SYT1: variants seen among roughly 807,000 people sequenced by gnomAD.
SYT1 encodes the protein synaptotagmin-1.
Under a neutral mutation model 44.8 loss-of-function variants are expected in SYT1, and 8 were observed. The ratio of observed to expected loss-of-function variants is 0.18; its 90% confidence interval spans 0.10 to 0.32. The LOEUF (loss-of-function observed/expected upper bound fraction) is 0.32. Among genes scored for constraint, SYT1 ranks in the 10% least tolerant of loss-of-function variants. The pLI is 1.00. For missense variants in SYT1, 286 were observed against 509.3 expected (o/e 0.56, Z 4.22); for synonymous variants, 154 against 188.8 (o/e 0.82, Z 1.51).
intron 2 of SYT1, among the ~76,000 whole-genome samples, chr12:79,028,007 C>T (rs1872632409): frequency 6.6e-6 from 1 of 151,422 alleles, no homozygotes; most frequent in Non-Finnish European, 1.5e-5. Context: ...TAAAGATCTC[C>T]ACATTTGATC....
chr12:79,159,134 C>T (rs1294972460), intron 3 of SYT1, among the ~76,000 whole-genome samples: 1 of 152,048 alleles, frequency 6.6e-6, no homozygotes, highest in Non-Finnish European at 1.5e-5. Context: ...ATCCTGCAAA[C>T]AATAGAGAGA....
At chr12:79,023,497 A>G (rs1433245303) in intron 2 of SYT1, among the ~76,000 whole-genome samples, 2 of 151,824 alleles carry the variant, frequency 1.3e-5, no homozygotes, top group Admixed American at 6.6e-5. Context: ...AGGAGCATGC[A>G]TTGGGAGCTT....
At chr12:79,238,749 T>A (rs1370053937) in intron 4 of SYT1, among the ~76,000 whole-genome samples, 1 of 152,234 alleles carries the variant, frequency 6.6e-6, no homozygotes, top group Admixed American at 6.5e-5. Context: ...TAATCCCTCA[T>A]ATATTTGCAG....
intron 4 of SYT1, among the ~76,000 whole-genome samples, chr12:79,257,590 C>T (rs977544468): frequency 5.9e-5 from 9 of 152,298 alleles, no homozygotes; most frequent in Admixed American, 1.3e-4. Context: ...CGGGTTCACG[C>T]CATTCTCCTG....
intron 1 of SYT1, among the ~76,000 whole-genome samples, chr12:78,959,162 T>C (rs1879371022): frequency 6.6e-6 from 1 of 152,128 alleles, no homozygotes; most frequent in Non-Finnish European, 1.5e-5. Flanking sequence ...AGCTACCTGC[T>C]TACCTCACAG....
At chr12:79,288,233 G>A (rs1487887524) in intron 5 of SYT1, among the ~76,000 whole-genome samples, 1 of 151,942 alleles carries the variant, frequency 6.6e-6, no homozygotes, top group African/African-American at 2.4e-5. Context: ...CATGATGATC[G>A]CCAGATCACC....
At chr12:78,992,966 C>A (rs1007573716) in intron 2 of SYT1, among the ~76,000 whole-genome samples, 4 of 152,144 alleles carry the variant, frequency 2.6e-5, no homozygotes, top group African/African-American at 7.2e-5. Context: ...ATGATGACTG[C>A]AGAGAAAATT....
chr12:78,887,135 A>G (rs1208551960), intron 1 of SYT1, among the ~76,000 whole-genome samples: 1 of 151,968 alleles, frequency 6.6e-6, no homozygotes, highest in Non-Finnish European at 1.5e-5. Flanking sequence ...GAAATAAACT[A>G]TTTGTATGTT....
At chr12:78,959,186 A>AGACTAAACCT (rs1225347438) in intron 1 of SYT1, among the ~76,000 whole-genome samples, 1 of 152,196 alleles carries the variant, frequency 6.6e-6, no homozygotes, top group Non-Finnish European at 1.5e-5. Flanking sequence ...TTGTTATGAA[A>AGACTAAACCT]TAAAAGACTA....
chr12:78,957,067 C>T (rs1283703715), intron 1 of SYT1, among the ~76,000 whole-genome samples: 1 of 152,154 alleles, frequency 6.6e-6, no homozygotes, highest in South Asian at 2.1e-4. Context: ...TTTGTTGATT[C>T]CACTGGCTGT....
intron 1 of SYT1, among the ~76,000 whole-genome samples, chr12:78,866,792 T>G (rs774607651): frequency 1.1e-4 from 16 of 152,268 alleles, no homozygotes; most frequent in Non-Finnish European, 1.3e-4. Context: ...TGTCTAGAAC[T>G]CCACTTGATA....
intron 3 of SYT1, among the ~76,000 whole-genome samples, chr12:79,158,669 A>C (rs10778479): frequency 1.3e-5 from 2 of 151,900 alleles, no homozygotes; most frequent in Non-Finnish European, 2.9e-5. Flanking sequence ...AGGCTGAGTC[A>C]GGTGGATCGC....
chr12:78,926,146 C>A (rs1388142311), intron 1 of SYT1, among the ~76,000 whole-genome samples: 1 of 152,010 alleles, frequency 6.6e-6, no homozygotes, highest in Non-Finnish European at 1.5e-5. Context: ...AGTCCTGAGG[C>A]ATGTCTGAAG....
At chr12:79,160,186 G>T (rs949725134) in intron 3 of SYT1, among the ~76,000 whole-genome samples, 3 of 152,102 alleles carry the variant, frequency 2.0e-5, no homozygotes, top group Non-Finnish European at 4.4e-5. Context: ...GGCTGATGAG[G>T]TAATGTCTTT....
At chr12:79,363,209 T>A (rs1198203476) in intron 9 of SYT1, among the ~76,000 whole-genome samples, 2 of 152,186 alleles carry the variant, frequency 1.3e-5, no homozygotes, top group Non-Finnish European at 2.9e-5. Context: ...TTCCTATTTT[T>A]AAAAATTATG....
Position 79,014,069 on chromosome 12 carries a change from G to A in SYT1, c.-83-33228G>A, listed in dbSNP as rs1271290499. ...GAACCCAGGAGGCAAGGGTTGCAGT[G>A]AGCTGAGATTGTGCCACTGCACTCC... On this transcript the variant is annotated intron_variant, in intron 2 of 10. Transcript: ENST00000261205. Among the ~76,000 whole-genome samples the A allele has an allele frequency of 4.3e-4, 60 of 140,204 alleles. 1 individual carries two copies. The highest frequency in any genetic ancestry group is 1.6e-3 in the African/African-American group (59 of 37,964). 92.0% of individuals were successfully genotyped at this position (140,204 alleles called of 152,430 possible).
chr12:79,000,986 A>G (rs1448758170), intron 2 of SYT1, among the ~76,000 whole-genome samples: 1 of 152,196 alleles, frequency 6.6e-6, no homozygotes, highest in Non-Finnish European at 1.5e-5. Context: ...AATACATTGG[A>G]TAATTGAACA....
At chr12:79,085,419 T>C (rs1877316095) in intron 3 of SYT1, among the ~76,000 whole-genome samples, 1 of 152,100 alleles carries the variant, frequency 6.6e-6, no homozygotes, top group Non-Finnish European at 1.5e-5. Flanking sequence ...TCTTAGTCCG[T>C]CTCTTCTGGT....
At chr12:79,114,332 G>A (rs1473109117) in intron 3 of SYT1, among the ~76,000 whole-genome samples, 1 of 152,108 alleles carries the variant, frequency 6.6e-6, no homozygotes, top group Non-Finnish European at 1.5e-5. Context: ...CCCTTGTCAG[G>A]AAAGCTTAGA....
Sources: allele counts gnomAD v4.1 joint callset (sites outside exome capture counted in the v4.1 genomes callset), GRCh38; gene constraint gnomAD v4.1.1; transcripts MANE v1.5; gene names NCBI Gene and HGNC (gene_info 2026-07-23, HGNC 2026-07-21).